LRP2: variants seen among roughly 807,000 people sequenced by gnomAD.
LRP2 encodes LDL receptor related protein 2.
Under a neutral mutation model 531.0 loss-of-function variants are expected in LRP2, and 172 were observed. The observed-to-expected ratio is 0.32, with a 90% confidence interval of 0.29 to 0.37. LRP2 has a LOEUF of 0.37. LRP2 is among the 10% of genes least tolerant of loss of function. The probability of loss-of-function intolerance (pLI) is 1.00; values close to 1 mark genes in which losing one functional copy is unlikely to be tolerated. For missense variants in LRP2, 5,167 were observed against 5,868.3 expected, an observed-to-expected ratio of 0.88 and a Z score of 3.90; for synonymous variants, 1,992 against 2,027.6, an observed-to-expected ratio of 0.98 and a Z score of 0.47.
rs565471200 is a variant in LRP2, at chr2:169,152,502, T to C, written c.12461+297A>G. 1.6e-4 allele frequency among the ~76,000 whole-genome samples: 25 copies of C among 152,324 alleles called. No homozygotes were observed. In the South Asian group the frequency reaches 5.0e-3, roughly 30 times the overall value. ...AAGAATGCTATTCACTTATAGTAAA[T>C]ATAATATTCACTATTATATCCTAGA... On this transcript the variant is annotated intron_variant, in intron 67 of 78. Coordinates refer to ENST00000649046, the MANE Select transcript of LRP2 (RefSeq NM_004525.3).
intron 6 of LRP2, among the ~76,000 whole-genome samples, 155 bp from the exon 7 acceptor site, chr2:169,292,524 G>GATA (rs34980705): frequency 1.3e-5 from 2 of 151,180 alleles, no homozygotes; most frequent in African/African-American, 2.4e-5. Context: ...TAAAAAGGAG[G>GATA]AAAAAAAAGA....
At chr2:169,145,601 A>C in intron 70 of LRP2, 146 bp downstream of exon 70, 1 of 768,356 alleles carries the variant, frequency 1.3e-6, no homozygotes, top group Non-Finnish European at 2.2e-6. Context: ...CCTCTCCCCC[A>C]GCAAACGTAC....
At chr2:169,201,999 A>G (rs1688219452) in intron 43 of LRP2, 129 bp from the exon 44 acceptor site, 2 of 1,116,444 alleles carry the variant, frequency 1.8e-6, no homozygotes, top group African/African-American at 3.1e-5. Context: ...TGCAAAATGG[A>G]CTGCATGCAA....
chr2:169,245,444 C>T (rs142586101), intron 21 of LRP2, among the ~76,000 whole-genome samples: 1 of 152,060 alleles, frequency 6.6e-6, no homozygotes, highest in Non-Finnish European at 1.5e-5. Context: ...GAAGATAATA[C>T]ACAAAAAGAT....
At position 169,350,682 on chromosome 2, in the gene LRP2, C is replaced by T. The variant is rs1452763872; in HGVS notation, c.79+11639G>A. Among the ~76,000 whole-genome samples the T allele has an allele frequency of 2.1e-5, 3 of 146,038 alleles. No individual in the cohort carries two copies. The Admixed American group carries it at 2.1e-4, about 10-fold the overall frequency. ...GAGGTTGCAGTGAGCCAAGATCACG[C>T]CTCTGCACTCCAGCCTGGGTGACAG... On this transcript the variant is annotated intron_variant, in intron 1 of 78. Coordinates refer to ENST00000649046, the MANE Select transcript of LRP2 (RefSeq NM_004525.3).
chr2:169,143,688 T>C (rs990521729), intron 70 of LRP2, among the ~76,000 whole-genome samples: 4 of 152,114 alleles, frequency 2.6e-5, no homozygotes, highest in Non-Finnish European at 4.4e-5. Flanking sequence ...TTGATGCCCA[T>C]TCACAGAGAT....
Position 169,206,091 on chromosome 2 carries a change from A to G in LRP2, c.7488T>C (p.Asp2496=). Residue 2496 remains aspartate, a synonymous_variant, in exon 40 of 79, where the codon GAT becomes GAC. Coordinates refer to ENST00000649046, the MANE Select transcript of LRP2 (RefSeq NM_004525.3). ...LNQMINSMAE[D]GSNRTVIARV... ...GGGCTATCACAGTGCGGTTAGACCC[A>G]TCTTCAGCCATGGAATTAATCATCT... 6.2e-7 allele frequency: 1 copy of G among 1,614,272 alleles called. No individual in the cohort carries two copies. Among genetic ancestry groups the G allele is most frequent in the Non-Finnish European group, 8.5e-7 (1 of 1,180,046 alleles).
At chr2:169,221,726 C>T (rs541969492) in intron 33 of LRP2, among the ~76,000 whole-genome samples, 3 of 152,206 alleles carry the variant, frequency 2.0e-5, no homozygotes, top group African/African-American at 7.2e-5. Flanking sequence ...TTCTTTCCCT[C>T]ATTCTTTTCT....
chr2:169,230,511 C>T (rs1040995866), intron 31 of LRP2, among the ~76,000 whole-genome samples: 2 of 152,114 alleles, frequency 1.3e-5, no homozygotes, highest in Non-Finnish European at 2.9e-5. Flanking sequence ...GACTAAATTT[C>T]CTTCTAGATT....
chr2:169,265,594 A>T (rs1690766845), intron 16 of LRP2, among the ~76,000 whole-genome samples: 1 of 152,024 alleles, frequency 6.6e-6, no homozygotes, highest in Admixed American at 6.6e-5. Flanking sequence ...TCAACACTAG[A>T]TATTAGACGT....
At chr2:169,282,569 G>A (rs73971834) in intron 10 of LRP2, among the ~76,000 whole-genome samples, 1 of 152,350 alleles carries the variant, frequency 6.6e-6, no homozygotes, top group African/African-American at 2.4e-5. Context: ...CCAATCAAAT[G>A]TAGGCATAGC....
Position 169,191,931 on chromosome 2 carries a change from C to T in LRP2, c.8933G>A (p.Cys2978Tyr). The T allele has an allele frequency of 6.2e-7, 1 of 1,614,152 alleles. No homozygotes were observed. Among genetic ancestry groups the T allele is most frequent in the Non-Finnish European group, 8.5e-7 (1 of 1,180,004 alleles). ...CTGATTCTCATCGTAGCCGTCAGTA[C>T]AATCCACATCGCCATCACAGACCCA... ...QSWVCDGDVD[C>Y]TDGYDENQNC... Residue 2978 changes from cysteine (C) to tyrosine (Y), a missense_variant, in exon 48 of 79, where the codon TGT (cysteine) becomes TAT (tyrosine). Cys to Tyr is a radical substitution (Grantham distance 194). This residue lies in a region of LRP2 where 1,129 missense variants were observed against 1,362.7 expected (regional missense o/e 0.83). Transcript: ENST00000649046.
intron 11 of LRP2, among the ~76,000 whole-genome samples, 197 bp from the exon 12 acceptor site, chr2:169,279,792 A>G (rs545266985): frequency 6.6e-6 from 1 of 152,332 alleles, no homozygotes; most frequent in South Asian, 2.1e-4. Context: ...AAATAAATAA[A>G]ATTCCATAAC....
At chr2:169,200,120 G>A (rs940324858) in intron 44 of LRP2, among the ~76,000 whole-genome samples, 6 of 152,154 alleles carry the variant, frequency 3.9e-5, no homozygotes, top group East Asian at 1.9e-4. Flanking sequence ...GCATGGTGGC[G>A]GGTGCCTGTA....
chr2:169,305,971 C>T (rs1574239649), intron 4 of LRP2, among the ~76,000 whole-genome samples: 1 of 151,992 alleles, frequency 6.6e-6, no homozygotes, highest in South Asian at 2.1e-4. Flanking sequence ...GTGCAGTAGG[C>T]TATACCATCC....
intron 1 of LRP2, among the ~76,000 whole-genome samples, chr2:169,337,175 G>A (rs1411021841): frequency 2.0e-5 from 3 of 152,190 alleles, no homozygotes; most frequent in East Asian, 3.9e-4. Flanking sequence ...TCACGGGAAG[G>A]TTTGAGAGAT....
intron 1 of LRP2, among the ~76,000 whole-genome samples, chr2:169,332,258 A>C (rs1342071101): frequency 6.6e-6 from 1 of 152,170 alleles, no homozygotes; most frequent in Non-Finnish European, 1.5e-5. Flanking sequence ...ATAACTACTA[A>C]ATGGACCTTC....
intron 26 of LRP2, 25 bp downstream of exon 26, chr2:169,239,502 T>C: frequency 6.2e-7 from 1 of 1,614,002 alleles, no homozygotes; most frequent in Non-Finnish European, 8.5e-7. Context: ...GCTGATAAAC[T>C]GGCTCGGGTT....
chr2:169,328,090 C>T (rs1352005811), intron 1 of LRP2, among the ~76,000 whole-genome samples: 14 of 141,508 alleles, frequency 9.9e-5, no homozygotes, highest in Non-Finnish European at 1.7e-4. Flanking sequence ...CCCAGCCAGC[C>T]GCCCTGTCCA....
Sources: allele counts gnomAD v4.1 joint callset (sites outside exome capture counted in the v4.1 genomes callset), GRCh38; gene constraint gnomAD v4.1.1; regional missense constraint gnomAD v4.1.1; transcripts MANE v1.5; gene names NCBI Gene and HGNC (gene_info 2026-07-23, HGNC 2026-07-21).